Variants in ST3GAL5 observed in about 807,000 individuals in gnomAD.
ST3GAL5 encodes the protein ST3 beta-galactoside alpha-2,3-sialyltransferase 5, also known as lactosylceramide alpha-2,3-sialyltransferase.
Under a neutral mutation model 46.1 loss-of-function variants are expected in ST3GAL5, and 25 were observed. The observed-to-expected ratio is 0.54, with a 90% CI of 0.40 to 0.76. The LOEUF (loss-of-function observed/expected upper bound fraction) is 0.76. ST3GAL5 is among the 30% of genes least tolerant of loss of function. ST3GAL5 has a pLI of 0.00. For synonymous variants in ST3GAL5, 182 were observed against 192.7 expected, an observed-to-expected ratio of 0.94 and a Z score of 0.46; for missense variants, 431 against 521.2, an observed-to-expected ratio of 0.83 and a Z score of 1.69.
chr2:85,870,116 T>C, intron 1 of ST3GAL5: 4 of 440,968 alleles, frequency 9.1e-6, no homozygotes, highest in South Asian at 4.9e-5. Context: ...CTTTCTTTTT[T>C]CTTTATAACA....
At chr2:85,859,548 C>T (rs1280638600) in intron 3 of ST3GAL5, among the ~76,000 whole-genome samples, 1 of 152,150 alleles carries the variant, frequency 6.6e-6, no homozygotes, top group Non-Finnish European at 1.5e-5. Context: ...ATGACATGAG[C>T]CAGCAGACAC....
rs1254694736 is a variant in ST3GAL5, at chr2:85,888,843, CGCTGCCTCGGTCCGCG to C, written c.47_62del (p.Pro16ArgfsTer16). On this transcript the variant is annotated frameshift_variant, in exon 1 of 7. Coordinates refer to ENST00000638572, the MANE Select transcript of ST3GAL5 (RefSeq NM_003896.4). LOFTEE classifies it high-confidence loss of function. The stretch of plus-strand genomic sequence containing the variant: ...ACGTACCTCGGCCGGCAGGTGCCGC[CGCTGCCTCGGTCCGCG>C]GCTGCAGGGGACGCCGCTCCGCGCA... 7.6e-7 allele frequency: 1 copy of C among 1,314,900 alleles called. No homozygotes were observed. Among genetic ancestry groups the C allele is most frequent in the Non-Finnish European group, 9.7e-7 (1 of 1,027,246 alleles). The allele number at this position is 1,314,900 out of a possible 1,614,324, so 81.5% of individuals were successfully genotyped here.
chr2:85,886,933 T>A (rs1225713001), intron 1 of ST3GAL5, among the ~76,000 whole-genome samples: 1 of 152,048 alleles, frequency 6.6e-6, no homozygotes, highest in Non-Finnish European at 1.5e-5. Context: ...CCTTCGGGAG[T>A]GATCTCAGTC....
intron 1 of ST3GAL5, among the ~76,000 whole-genome samples, chr2:85,864,419 G>A (rs1424351256): frequency 2.6e-5 from 4 of 152,140 alleles, no homozygotes; most frequent in Non-Finnish European, 5.9e-5. Flanking sequence ...ATAAGTGGAG[G>A]GCCAGGGAGA....
chr2:85,867,033 G>T (rs1041802514), intron 1 of ST3GAL5, among the ~76,000 whole-genome samples: 7 of 152,204 alleles, frequency 4.6e-5, no homozygotes, highest in African/African-American at 1.4e-4. Flanking sequence ...GGCTGGGTGT[G>T]GTAGCTCACA....
At position 85,840,378 on chromosome 2, in the gene ST3GAL5, G is replaced by A. The variant is rs747829287; in HGVS notation, c.1023C>T (p.Ile341=). ...FWGRDKNVPT[I]GVIAVVLATH... is the part of the protein sequence containing the mutation. ...TGGCTAAGACAACGGCAATGACACC[G>A]ATTGTGGGGACGTTCTGAGAAAGGG... The change falls in exon 7 of 7, where the codon ATC becomes ATT. Residue 341 remains isoleucine, a synonymous_variant. Coordinates refer to ENST00000638572, the MANE Select transcript of ST3GAL5 (RefSeq NM_003896.4). 1.4e-5 allele frequency: 23 copies of A among 1,613,982 alleles called. No individual in the cohort carries two copies. Among genetic ancestry groups the A allele is most frequent in the Non-Finnish European group, 1.8e-5 (21 of 1,180,026 alleles).
intron 2 of ST3GAL5, 47 bp downstream of exon 2, chr2:85,863,315 A>G (rs1315215032): frequency 6.2e-7 from 1 of 1,612,754 alleles, no homozygotes; most frequent in Non-Finnish European, 8.5e-7. Context: ...AGTTCTACAC[A>G]GTTGACCCAA....
intron 1 of ST3GAL5, among the ~76,000 whole-genome samples, chr2:85,882,607 T>C (rs1687283619): frequency 6.6e-6 from 1 of 152,024 alleles, no homozygotes; most frequent in African/African-American, 2.4e-5. Context: ...CCGAGGTGGA[T>C]CACTTGAGGT....
chr2:85,878,230 T>C (rs182497253), intron 1 of ST3GAL5, among the ~76,000 whole-genome samples: 1 of 152,348 alleles, frequency 6.6e-6, no homozygotes, highest in East Asian at 1.9e-4. Context: ...TTAAAAACCC[T>C]GTTAGGACAC....
At chr2:85,873,231 G>A (rs544438457) in intron 1 of ST3GAL5, among the ~76,000 whole-genome samples, 5 of 152,276 alleles carry the variant, frequency 3.3e-5, no homozygotes, top group South Asian at 2.1e-4. Flanking sequence ...TGGGACCACC[G>A]TGAGAGCAAT....
At chr2:85,857,568 A>G (rs1195732906) in intron 3 of ST3GAL5, among the ~76,000 whole-genome samples, 4 of 151,132 alleles carry the variant, frequency 2.6e-5, no homozygotes, top group Non-Finnish European at 1.5e-5. Flanking sequence ...AAAAGGAAAG[A>G]AGAGAAGAGG....
Position 85,837,160 on chromosome 2 carries a change from T to C in ST3GAL5, c.*2984A>G, listed in dbSNP as rs1466801119. 6.6e-6 allele frequency: 1 copy of C among 152,230 alleles called. No individual in the cohort carries two copies. The highest frequency in any genetic ancestry group is 6.5e-5 in the Admixed American group (1 of 15,284). The allele number at this position is 152,230 out of a possible 1,614,324, so 9.4% of individuals were successfully genotyped here. ...TACTCCCATATTTATTGCAGCGCTATTCACATAGCCAAAACATGAAATCAA... is the reference window on the plus strand; with the variant it reads ...TACTCCCATATTTATTGCAGCGCTACTCACATAGCCAAAACATGAAATCAA... On this transcript the variant is annotated 3_prime_UTR_variant, in exon 7 of 7. Coordinates refer to ENST00000638572, the MANE Select transcript of ST3GAL5 (RefSeq NM_003896.4).
chr2:85,851,491 G>A, intron 3 of ST3GAL5: 6 of 1,280,978 alleles, frequency 4.7e-6, no homozygotes, highest in Middle Eastern at 2.2e-4. Context: ...GGACCACATG[G>A]GCCATGTCCT....
chr2:85,884,606 G>A (rs1687549286), intron 1 of ST3GAL5, among the ~76,000 whole-genome samples: 1 of 152,186 alleles, frequency 6.6e-6, no homozygotes, highest in Admixed American at 6.5e-5. Flanking sequence ...AAAGTGACAA[G>A]CAAAGAGAGG....
chr2:85,875,174 C>G (rs1453827607), intron 1 of ST3GAL5, among the ~76,000 whole-genome samples: 1 of 152,054 alleles, frequency 6.6e-6, no homozygotes, highest in Non-Finnish European at 1.5e-5. Flanking sequence ...ATCCTTCTGC[C>G]TCAGCCTCCC....
intron 2 of ST3GAL5, among the ~76,000 whole-genome samples, chr2:85,861,635 T>G (rs1266624388): frequency 1.5e-5 from 2 of 137,686 alleles, no homozygotes; most frequent in African/African-American, 5.4e-5. Flanking sequence ...CTGAAAATTC[T>G]GTCAGTCCTT....
At chr2:85,870,178 G>A in intron 1 of ST3GAL5, 1 of 470,018 alleles carries the variant, frequency 2.1e-6, no homozygotes, top group Non-Finnish European at 4.4e-6. Context: ...TGAATTACAC[G>A]TTTGTCTTGT....
chr2:85,861,154 T>G (rs1454631808), intron 3 of ST3GAL5, 27 bp downstream of exon 3: 1 of 1,433,080 alleles, frequency 7.0e-7, no homozygotes, highest in South Asian at 1.1e-5. Flanking sequence ...ATGTTTTCAT[T>G]TAAACCACAC....
intron 6 of ST3GAL5, chr2:85,840,631 T>A: frequency 1.8e-6 from 1 of 547,936 alleles, no homozygotes; most frequent in Non-Finnish European, 3.3e-6. Flanking sequence ...GCCTGACAAT[T>A]CTTACACCAA....
Sources: allele counts gnomAD v4.1 joint callset (sites outside exome capture counted in the v4.1 genomes callset), GRCh38; gene constraint gnomAD v4.1.1; transcripts MANE v1.5; gene names NCBI Gene and HGNC (gene_info 2026-07-23, HGNC 2026-07-21).